Variants in FBXO47 observed in about 807,000 individuals in gnomAD.
The protein encoded by FBXO47 is F-box protein 47, also known as F-box only protein 47.
In FBXO47, 34 loss-of-function variants were observed where a neutral mutation model predicts 53.9. That is an observed-to-expected ratio of 0.63 (90% CI 0.48 to 0.84). The LOEUF is 0.84. FBXO47 is among the 40% of genes least tolerant of loss of function. FBXO47 has a pLI of 0.00. For missense variants in FBXO47, 485 were observed against 541.3 expected, an observed-to-expected ratio of 0.90 and a Z score of 1.03; for synonymous variants, 165 against 181.6, an observed-to-expected ratio of 0.91 and a Z score of 0.73.
intron 9 of FBXO47, 84 bp from the exon 10 acceptor site, chr17:38,938,816 A>C: frequency 2.7e-6 from 3 of 1,115,338 alleles, no homozygotes. Context: ...ATGAATAATT[A>C]TAGTTTGTGA....
intron 6 of FBXO47, among the ~76,000 whole-genome samples, chr17:38,947,049 A>AT (rs1904965998): frequency 7.5e-6 from 1 of 133,840 alleles, no homozygotes; most frequent in African/African-American, 2.9e-5. Context: ...TAAATATATA[A>AT]AAACATATAT....
At chr17:38,941,640 ATATATG>A in intron 9 of FBXO47, among the ~76,000 whole-genome samples, 1 of 143,140 alleles carries the variant, frequency 7.0e-6, no homozygotes, top group African/African-American at 2.6e-5. Flanking sequence ...ATATATATAT[ATATATG>A]TATGTGTATA....
At chr17:38,960,410 A>C (rs940571819) in intron 3 of FBXO47, among the ~76,000 whole-genome samples, 1 of 152,190 alleles carries the variant, frequency 6.6e-6, no homozygotes, top group Non-Finnish European at 1.5e-5. Context: ...AAATCCTTAC[A>C]TGAATAAAAC....
chr17:38,952,137 T>C (rs1452764613), intron 5 of FBXO47, among the ~76,000 whole-genome samples: 2 of 151,864 alleles, frequency 1.3e-5, no homozygotes, highest in South Asian at 2.1e-4. Flanking sequence ...CCATCCTGGC[T>C]AACACGGTGA....
intron 6 of FBXO47, among the ~76,000 whole-genome samples, chr17:38,948,825 T>C (rs1905066459): frequency 6.6e-6 from 1 of 152,040 alleles, no homozygotes; most frequent in African/African-American, 2.4e-5. Context: ...TACATAGGTA[T>C]ACATGTGCCA....
At position 38,942,921 on chromosome 17, in the gene FBXO47, CT is replaced by C. The variant is rs1412882061; in HGVS notation, c.941-2del. 4 of 1,601,848 alleles carry C rather than the reference CT, an allele frequency of 2.5e-6. No homozygotes were observed. The South Asian group carries it at 4.5e-5, about 18-fold the overall frequency. On this transcript the variant is annotated splice_acceptor_variant, in intron 8 of 10. Transcript: ENST00000378079. LOFTEE classifies it high-confidence loss of function. ...TCTAGAAGCCACTCACGGGGAACCA[CT>C]TTTATTAGAGGAAGAACAATTATTT...
intron 1 of FBXO47, among the ~76,000 whole-genome samples, chr17:38,966,773 C>G (rs1028807987): frequency 6.6e-6 from 1 of 152,120 alleles, no homozygotes; most frequent in African/African-American, 2.4e-5. Flanking sequence ...CAGAGCTGGA[C>G]GTTTCGTAGG....
At position 38,946,382 on chromosome 17, in the gene FBXO47, ATATATATATC is replaced by A. The variant is rs1350805451; in HGVS notation, c.617-1256_617-1247del. 4.7e-5 allele frequency among the ~76,000 whole-genome samples: 4 copies of A among 84,904 alleles called. No homozygotes were observed. In the Admixed American group the frequency reaches 5.6e-4, roughly 12 times the overall value. 55.7% of individuals were successfully genotyped at this position (84,904 alleles called of 152,430 possible). The stretch of plus-strand genomic sequence containing the variant: ...TATAAATATATAGATATATATATAA[ATATATATATC>A]TATATATAAATATATAGATATATAT... On this transcript the variant is annotated intron_variant, in intron 6 of 10. Coordinates refer to ENST00000378079, the MANE Select transcript of FBXO47 (RefSeq NM_001008777.3).
In FBXO47 at chr17:38,943,618, A is replaced by G. The variant is rs754633586; in HGVS notation, c.912T>C (p.Asp304=). The G allele has an allele frequency of 5.0e-6, 8 of 1,599,602 alleles. No individual in the cohort carries two copies. The highest frequency in any genetic ancestry group is 4.5e-5 in the East Asian group (2 of 44,482). Residue 304 remains aspartate, a synonymous_variant, in exon 8 of 11, where the codon GAT becomes GAC. Coordinates refer to ENST00000378079, the MANE Select transcript of FBXO47 (RefSeq NM_001008777.3). The stretch of plus-strand genomic sequence containing the variant: ...ATAGTTCATCTACAAGACTGATAAC[A>G]TCATCTGCTGTCCACTCTTTAGTGC... The part of the protein sequence containing the change: ...DASTKEWTAD[D]VISLVDELSV...
chr17:38,946,271 T>TAG, intron 6 of FBXO47, among the ~76,000 whole-genome samples: 1 of 92,486 alleles, frequency 1.1e-5, no homozygotes, highest in Non-Finnish European at 1.9e-5. Context: ...TATAAATATA[T>TAG]ATAAAAATAT....
chr17:38,946,605 TATATATAACTATATAAATATATATGA>T (rs1904876450), intron 6 of FBXO47, among the ~76,000 whole-genome samples: 1 of 73,640 alleles, frequency 1.4e-5, no homozygotes, highest in East Asian at 4.4e-4. Flanking sequence ...AATATATGAA[TATATATAACTATATAAATATATATGA>T]ATATATAAAT....
intron 9 of FBXO47, 26 bp downstream of exon 9, chr17:38,942,752 C>G: frequency 1.3e-6 from 2 of 1,593,460 alleles, no homozygotes; most frequent in Non-Finnish European, 8.5e-7. Flanking sequence ...AAAAAACTTG[C>G]TAGAGAAAAA....
chr17:38,943,455 C>T (rs1273939002), intron 8 of FBXO47, 135 bp downstream of exon 8: 1 of 532,900 alleles, frequency 1.9e-6, no homozygotes, highest in Admixed American at 4.1e-5. Context: ...ATGCCAAACT[C>T]TTTAAATATT....
chr17:38,946,418 AT>A (rs1904848718), intron 6 of FBXO47, among the ~76,000 whole-genome samples: 1 of 95,096 alleles, frequency 1.1e-5, no homozygotes, highest in Non-Finnish European at 1.8e-5. Flanking sequence ...AGATATATAT[AT>A]AACTATATAA....
At chr17:38,939,817 G>A (rs1406429097) in intron 9 of FBXO47, among the ~76,000 whole-genome samples, 2 of 150,288 alleles carry the variant, frequency 1.3e-5, no homozygotes, top group Admixed American at 6.6e-5. Flanking sequence ...ACAGGCGCCC[G>A]CCACCGCGCC....
chr17:38,965,910 TAAC>T (rs1196066690), intron 1 of FBXO47, among the ~76,000 whole-genome samples: 1 of 149,772 alleles, frequency 6.7e-6, no homozygotes, highest in Non-Finnish European at 1.5e-5. Flanking sequence ...ATTACACAAA[TAAC>T]AACTTTACAC....
Position 38,937,265 on chromosome 17 carries a change from G to T in FBXO47, c.1269C>A (p.Ser423Arg), listed in dbSNP as rs1197434724. The part of the protein sequence containing the change: ...MSGDRDEDDR[S>R]FLNLFHLVHA... ...GTACAAGATGGAACAAATTCAAAAA[G>T]CTTCTGTCATCTTCATCACGGTCTC... The change falls in exon 11 of 11, where the codon AGC becomes AGA. Residue 423 changes from serine (S) to arginine (R), a missense_variant. Physicochemically the swap from Ser to Arg is moderately radical, Grantham distance 110. Coordinates refer to ENST00000378079, the MANE Select transcript of FBXO47 (RefSeq NM_001008777.3). 2 of 1,605,224 alleles carry T rather than the reference G, an allele frequency of 1.2e-6. No homozygotes were observed. The highest frequency in any genetic ancestry group is 1.7e-6 in the Non-Finnish European group (2 of 1,173,070).
chr17:38,966,598 GC>G (rs749921548), intron 1 of FBXO47, among the ~76,000 whole-genome samples: 2 of 152,166 alleles, frequency 1.3e-5, no homozygotes, highest in African/African-American at 2.4e-5. Flanking sequence ...TGGGGCTTGG[GC>G]CCGTGGGCTC....
chr17:38,944,384 C>T (rs1464675102), intron 7 of FBXO47, among the ~76,000 whole-genome samples: 2 of 151,312 alleles, frequency 1.3e-5, no homozygotes, highest in South Asian at 2.1e-4. Context: ...CTGGATAACA[C>T]GGTGAAACCC....
Sources: gnomAD v4.1 joint callset for allele counts (sites outside exome capture counted in the v4.1 genomes callset) on GRCh38, gnomAD v4.1.1 for gene constraint, MANE v1.5 for transcripts, NCBI Gene and HGNC (gene_info 2026-07-23, HGNC 2026-07-21) for gene names.